RGL2: variants seen among roughly 807,000 people sequenced by gnomAD.
The protein encoded by RGL2 is ral guanine nucleotide dissociation stimulator-like 2.
A neutral mutation model predicts 84.6 loss-of-function variants in RGL2; 40 were observed. The ratio of observed to expected loss-of-function variants is 0.47; its 90% CI spans 0.37 to 0.62. RGL2 has a LOEUF of 0.62. Among genes scored for constraint, RGL2 ranks in the 20% least tolerant of loss-of-function variants. The pLI is 0.00. For synonymous variants in RGL2, 369 were observed against 417.3 expected (o/e 0.88, Z 1.41); for missense variants, 865 against 1,019.7 (o/e 0.85, Z 2.07).
At position 33,294,944 on chromosome 6, in the gene RGL2, A is replaced by G; in HGVS notation, c.1278+33T>C. On this transcript the variant is annotated intron_variant, in intron 10 of 17. Transcript: ENST00000497454. The surrounding 1 kb of genome is among the most constrained non-coding windows in gnomAD (Gnocchi z 5.0). ...TACTCCTCACCCCTTCATAATCACC[A>G]CCCCCACGCCCACCACCCCGCTAGT... 6.5e-7 allele frequency: 1 copy of G among 1,545,524 alleles called. No homozygotes were observed. Among genetic ancestry groups the G allele is most frequent in the Non-Finnish European group, 8.7e-7 (1 of 1,145,178 alleles).
chr6:33,293,046 C>T lies in RGL2; in HGVS notation c.1977G>A (p.Gly659=). 6.2e-7 allele frequency: 1 copy of T among 1,614,180 alleles called. No homozygotes were observed. The highest frequency in any genetic ancestry group is 8.5e-7 in the Non-Finnish European group (1 of 1,180,048). The change falls in exon 16 of 18, where the codon GGG becomes GGA. Residue 659 remains glycine, a synonymous_variant. Transcript: ENST00000497454. This position sits in a 1 kb window ranked among gnomAD's most constrained non-coding sequence, Gnocchi z 7.0. ...CRIIRVQMEL[G]EDGSVYKSIL... is the part of the protein sequence containing the mutation. The stretch of plus-strand genomic sequence containing the variant: ...TGCTCTTATAGACACTGCCATCTTC[C>T]CCCAACTCCATCTGGACTCGGATGA...
At position 33,292,174 on chromosome 6, in the gene RGL2, C is replaced by T. The variant is rs200051934; in HGVS notation, c.2262G>A (p.Pro754=). 5.6e-6 allele frequency: 9 copies of T among 1,614,194 alleles called. No homozygotes were observed. The highest frequency in any genetic ancestry group is 2.7e-5 in the African/African-American group (2 of 75,044). The change falls in exon 18 of 18, where the codon CCG becomes CCA. Residue 754 remains proline (P), a synonymous_variant. Transcript: ENST00000497454. The part of the protein sequence containing the change: ...TSGPSASGTP[P]SEGGGGSFPR... The stretch of plus-strand genomic sequence containing the variant: ...GAAAGGAGCCCCCTCCTCCCTCACT[C>T]GGAGGAGTTCCTGAGGCAGACGGGC...
Position 33,296,346 on chromosome 6 carries a change from A to G in RGL2, c.471-21T>C. 3.7e-6 allele frequency: 6 copies of G among 1,607,182 alleles called. No homozygotes were observed. The highest frequency in any genetic ancestry group is 5.1e-6 in the Non-Finnish European group (6 of 1,176,026). ...CTACCCTGGGAGAAGGGAATCAGCC[A>G]AGGGTGAGAGGTAAAGCTGCAGCCT... On this transcript the variant is annotated intron_variant, in intron 5 of 17. Coordinates refer to ENST00000497454, the MANE Select transcript of RGL2 (RefSeq NM_004761.5). The surrounding 1 kb of genome is among the most constrained non-coding windows in gnomAD (Gnocchi z 5.0).
At chr6:33,292,847 T>C (rs1220912345) in intron 16 of RGL2, among the ~76,000 whole-genome samples, 169 bp downstream of exon 16, 1 of 152,198 alleles carries the variant, frequency 6.6e-6, no homozygotes, top group Non-Finnish European at 1.5e-5. Context: ...CAGCTTCTAT[T>C]GAAGACTAGA....
At position 33,294,618 on chromosome 6, in the gene RGL2, C is replaced by T. The variant is rs112293351; in HGVS notation, c.1353+70G>A. 21 of 1,549,486 alleles carry T rather than the reference C, an allele frequency of 1.4e-5. No homozygotes were observed. The highest frequency in any genetic ancestry group is 3.4e-5 in the Admixed American group (2 of 58,002). On this transcript the variant is annotated intron_variant, in intron 11 of 17. Transcript: ENST00000497454. The surrounding 1 kb of genome is among the most constrained non-coding windows in gnomAD (Gnocchi z 5.0). The stretch of plus-strand genomic sequence containing the variant: ...GTGCCTTACAGCCCCTTGCAAGGGG[C>T]GGGGGGGTCTGTCCGACCCTGCAGC...
chr6:33,296,803 A>G lies in RGL2; in HGVS notation c.241-27T>C, dbSNP rs1768015825. On this transcript the variant is annotated intron_variant, in intron 3 of 17. Transcript: ENST00000497454. This position sits in a 1 kb window ranked among gnomAD's most constrained non-coding sequence, Gnocchi z 5.0. ...TGGAGAACACAGAGAGATGATCGCT[A>G]ACCCTTTCTCCCACTCTGCACCTAG... 1 of 1,613,508 alleles carries G rather than the reference A, an allele frequency of 6.2e-7. No individual in the cohort carries two copies. The highest frequency in any genetic ancestry group is 1.3e-5 in the African/African-American group (1 of 74,878).
At position 33,298,182 on chromosome 6, in the gene RGL2, C is replaced by T. The variant is rs1768190669; in HGVS notation, c.156+273G>A. 5.3e-6 allele frequency: 2 copies of T among 378,392 alleles called. No homozygotes were observed. The highest frequency in any genetic ancestry group is 4.7e-5 in the East Asian group (1 of 21,072). The allele number at this position is 378,392 out of a possible 1,614,324, so 23.4% of individuals were successfully genotyped here. Reference sequence around the variant, plus strand: ...AGAGAGGTAGGCACACTCAGGCAGGCAGAGGTGGAGGGCCAAAGACCCGCA... The same window carrying T: ...AGAGAGGTAGGCACACTCAGGCAGGTAGAGGTGGAGGGCCAAAGACCCGCA... On this transcript the variant is annotated intron_variant, in intron 2 of 17. Transcript: ENST00000497454. This position sits in a 1 kb window ranked among gnomAD's most constrained non-coding sequence, Gnocchi z 4.8.
At position 33,293,180 on chromosome 6, in the gene RGL2, G is replaced by A. The variant is rs769341131; in HGVS notation, c.1843C>T (p.Arg615Cys). 2.1e-5 allele frequency: 33 copies of A among 1,599,588 alleles called. No homozygotes were observed. Among genetic ancestry groups the A allele is most frequent in the Admixed American group, 1.4e-4 (8 of 57,806 alleles). ...GGGGAGCCACAGGAGGCTGAGCGGC[G>A]GTGACCTCGAGAAGGCCTAGGGGAG... Reference protein sequence around the residue: ...ASSPRPSRGHRRSASCGSPLS... With the variant: ...ASSPRPSRGHCRSASCGSPLS... Residue 615 changes from arginine to cysteine, a missense_variant, in exon 16 of 18, where the codon CGC becomes TGC. Coordinates refer to ENST00000497454, the MANE Select transcript of RGL2 (RefSeq NM_004761.5). The surrounding 1 kb of genome is among the most constrained non-coding windows in gnomAD (Gnocchi z 7.0).
At chr6:33,292,651 T>C (rs1767525375) in intron 16 of RGL2, 107 bp from the exon 17 acceptor site, 7 of 960,162 alleles carry the variant, frequency 7.3e-6, no homozygotes, top group Non-Finnish European at 3.3e-6. Context: ...TCCAAGGCTT[T>C]AAAATGAACA....
chr6:33,298,311 C>T lies in RGL2; in HGVS notation c.156+144G>A, dbSNP rs1175484032. On this transcript the variant is annotated intron_variant, in intron 2 of 17. Coordinates refer to ENST00000497454, the MANE Select transcript of RGL2 (RefSeq NM_004761.5). The surrounding 1 kb of genome is among the most constrained non-coding windows in gnomAD (Gnocchi z 4.8). The stretch of plus-strand genomic sequence containing the variant: ...AGAACCACGGAGACGCCAGGACTCC[C>T]CGCAGCAGAGAAACGGGCCGACACC... 1.7e-6 allele frequency: 1 copy of T among 571,550 alleles called. No homozygotes were observed. The highest frequency in any genetic ancestry group is 2.0e-5 in the African/African-American group (1 of 49,998). 35.4% of individuals were successfully genotyped at this position (571,550 alleles called of 1,614,324 possible).
Position 33,291,852 on chromosome 6 carries a change from C to A in RGL2, c.*250G>T. On this transcript the variant is annotated 3_prime_UTR_variant, in exon 18 of 18. Coordinates refer to ENST00000497454, the MANE Select transcript of RGL2 (RefSeq NM_004761.5). ...ATCAGAAACTGATGCGTTTTTCCAG[C>A]ACTACCTGTGTGCTGCACTCATGGA... is the stretch of plus-strand genomic sequence containing the variant. 1.7e-6 allele frequency: 1 copy of A among 591,196 alleles called. No homozygotes were observed. 36.6% of individuals were successfully genotyped at this position (591,196 alleles called of 1,614,324 possible).
upstream of RGL2, chr6:33,299,646 G>A (rs1005165509): frequency 4.6e-5 from 7 of 152,316 alleles, no homozygotes; most frequent in African/African-American, 1.7e-4. The surrounding 1 kb of genome is among the most constrained non-coding windows in gnomAD (Gnocchi z 5.0). Flanking sequence ...GACCAGAGGT[G>A]ATTGGAATAT....
intron 17 of RGL2, 50 bp from the exon 18 acceptor site, chr6:33,292,363 A>ACAGC: frequency 6.2e-7 from 1 of 1,609,436 alleles, no homozygotes; most frequent in East Asian, 2.2e-5. Context: ...TGTTCCCCCC[A>ACAGC]CAGCCGCCCA....
chr6:33,292,539 T>C lies in RGL2; in HGVS notation c.2013A>G (p.Thr671=). The C allele has an allele frequency of 3.7e-6, 6 of 1,613,732 alleles. No homozygotes were observed. Among genetic ancestry groups the C allele is most frequent in the South Asian group, 2.2e-5 (2 of 91,088 alleles). Reference sequence around the variant, plus strand: ...TGACACTTGGAGCCTTGTCCTGGCTTGTCACCTGGCAGAACAGGAGACCAA... The same window carrying C: ...TGACACTTGGAGCCTTGTCCTGGCTCGTCACCTGGCAGAACAGGAGACCAA... ...DGSVYKSILV[T]SQDKAPSVIS... The change falls in exon 17 of 18, where the codon ACA becomes ACG. Residue 671 remains threonine, a synonymous_variant. Coordinates refer to ENST00000497454, the MANE Select transcript of RGL2 (RefSeq NM_004761.5).
At position 33,293,511 on chromosome 6, in the gene RGL2, C is replaced by T. The variant is rs755545046; in HGVS notation, c.1618G>A (p.Val540Ile). 3.1e-6 allele frequency: 5 copies of T among 1,613,712 alleles called. No homozygotes were observed. In the South Asian group the frequency reaches 3.3e-5, roughly 11 times the overall value. The change falls in exon 15 of 18, where the codon GTT becomes ATT. Residue 540 changes from valine to isoleucine, a missense_variant. By Grantham distance (29) the Val-to-Ile change is conservative. Around this residue, in one of 5 missense-constraint regions of RGL2, gnomAD observed 302 missense variants for 327.9 expected, o/e 0.92. Coordinates refer to ENST00000497454, the MANE Select transcript of RGL2 (RefSeq NM_004761.5). The surrounding 1 kb of genome is among the most constrained non-coding windows in gnomAD (Gnocchi z 7.0). ...ISQWTEVLGS[V>I]GVPTPLVSCD... ...GACACAAGCGGGGTAGGGACCCCAACAGAGCCCAAAACCCTGCAGTGGCAG... is the reference window on the plus strand; with the variant it reads ...GACACAAGCGGGGTAGGGACCCCAATAGAGCCCAAAACCCTGCAGTGGCAG...
Position 33,298,561 on chromosome 6 carries a change from C to A in RGL2, c.50G>T (p.Gly17Val). 6.8e-7 allele frequency: 1 copy of A among 1,473,614 alleles called. No individual in the cohort carries two copies. The highest frequency in any genetic ancestry group is 9.0e-7 in the Non-Finnish European group (1 of 1,112,816). 91.3% of individuals were successfully genotyped at this position (1,473,614 alleles called of 1,614,324 possible). A position where few individuals can be genotyped will look rare whatever the true frequency, so the allele number is the denominator to read the frequency against. ...GCTTCGGAAGCTGCTCAGTACGACTCCCCCGGGGGGGCTCGTGTCCAAAAG... is the reference window on the plus strand; with the variant it reads ...GCTTCGGAAGCTGCTCAGTACGACTACCCCGGGGGGGCTCGTGTCCAAAAG... ...RLLLDTSPPG[G>V]VVLSSFRSRD... is the part of the protein sequence containing the mutation. Residue 17 changes from glycine to valine, a missense_variant, in exon 2 of 18, where the codon GGA becomes GTA. Coordinates refer to ENST00000497454, the MANE Select transcript of RGL2 (RefSeq NM_004761.5). The surrounding 1 kb of genome is among the most constrained non-coding windows in gnomAD (Gnocchi z 4.8).
chr6:33,296,537 G>A lies in RGL2; in HGVS notation c.419+61C>T. The A allele has an allele frequency of 6.3e-7, 1 of 1,585,812 alleles. No individual in the cohort carries two copies. Among genetic ancestry groups the A allele is most frequent in the Non-Finnish European group, 8.6e-7 (1 of 1,164,910 alleles). ...GTGGCTTTGACTATTTTGGTGGGATGTTGCGGCTTTAGGAAATCCGGGCAG... is the reference window on the plus strand; with the variant it reads ...GTGGCTTTGACTATTTTGGTGGGATATTGCGGCTTTAGGAAATCCGGGCAG... On this transcript the variant is annotated intron_variant, in intron 4 of 17. Transcript: ENST00000497454. The surrounding 1 kb of genome is among the most constrained non-coding windows in gnomAD (Gnocchi z 5.0).
At position 33,298,820 on chromosome 6, in the gene RGL2, G is replaced by A. The variant is rs1768283413; in HGVS notation, c.-42+50C>T. The stretch of plus-strand genomic sequence containing the variant: ...TAGGGGGGCCCTTGGTGCTGTTGGG[G>A]AAGGAGGAGGTCACGAGTACGGGGA... On this transcript the variant is annotated intron_variant, in intron 1 of 17. Coordinates refer to ENST00000497454, the MANE Select transcript of RGL2 (RefSeq NM_004761.5). The surrounding 1 kb of genome is among the most constrained non-coding windows in gnomAD (Gnocchi z 4.8). The A allele has an allele frequency of 2.4e-6, 1 of 424,644 alleles. No individual in the cohort carries two copies. Among genetic ancestry groups the A allele is most frequent in the Admixed American group, 4.3e-5 (1 of 23,140 alleles). The allele number at this position is 424,644 out of a possible 1,614,324, so 26.3% of individuals were successfully genotyped here.
Position 33,294,536 on chromosome 6 carries a change from T to C in RGL2, c.1353+152A>G. ...CTATTTCTAGTTTCCCATTTACAGA[T>C]CACTGAGGCGACTTGGCACAGAAAC... On this transcript the variant is annotated intron_variant, in intron 11 of 17. Coordinates refer to ENST00000497454, the MANE Select transcript of RGL2 (RefSeq NM_004761.5). The surrounding 1 kb of genome is among the most constrained non-coding windows in gnomAD (Gnocchi z 5.0). 2 of 725,784 alleles carry C rather than the reference T, an allele frequency of 2.8e-6. No homozygotes were observed. Among genetic ancestry groups the C allele is most frequent in the Non-Finnish European group, 4.6e-6 (2 of 430,614 alleles). 45.0% of individuals were successfully genotyped at this position (725,784 alleles called of 1,614,324 possible).
Sources: gnomAD v4.1 joint callset for allele counts (sites outside exome capture counted in the v4.1 genomes callset) on GRCh38, gnomAD v4.1.1 for gene constraint, gnomAD v4.1.1 regional missense constraint, Gnocchi (gnomAD v3.1) non-coding constraint, MANE v1.5 for transcripts, NCBI Gene and HGNC (gene_info 2026-07-23, HGNC 2026-07-21) for gene names.